ERICH6: variants seen among roughly 807,000 people sequenced by gnomAD.
ERICH6 encodes glutamate rich 6.
A neutral mutation model predicts 71.0 loss-of-function variants in ERICH6; 71 were observed. The observed-to-expected ratio is 1.00, with a 90% CI of 0.83 to 1.22. The LOEUF (loss-of-function observed/expected upper bound fraction) is 1.22. ERICH6 is among the 50% of genes most tolerant of loss of function. The probability of loss-of-function intolerance (pLI) is 0.00; values close to 1 mark genes in which losing one functional copy is unlikely to be tolerated. For missense variants in ERICH6, 808 were observed against 797.2 expected (o/e 1.01, Z -0.16); for synonymous variants, 262 against 278.4 (o/e 0.94, Z 0.59).
At chr3:150,692,143 G>C (rs1712464212) in intron 3 of ERICH6, among the ~76,000 whole-genome samples, 6 of 151,964 alleles carry the variant, frequency 3.9e-5, no homozygotes, top group Admixed American at 2.6e-4. Context: ...CCTTAATAAA[G>C]GTGATAAAGG....
Position 150,664,672 on chromosome 3 carries a change from A to T in ERICH6, c.1728+2115T>A, listed in dbSNP as rs1197082894. Among the ~76,000 whole-genome samples the T allele has an allele frequency of 2.0e-5, 3 of 152,158 alleles. No homozygotes were observed. The East Asian group carries it at 5.8e-4, about 29-fold the overall frequency. On this transcript the variant is annotated intron_variant, in intron 13 of 13. Transcript: ENST00000295910. The stretch of plus-strand genomic sequence containing the variant: ...AAAAAAAAAAAAGATGTATAAAATA[A>T]TTTATAAATACATAGTAAGAAGGAA...
In ERICH6 at chr3:150,659,978, G is replaced by C; in HGVS notation, c.1906C>G (p.Leu636Val). ...CTGTGACAAAGGGCAATTAGTTTTAGAGAAAGTGAAGAAAGGTAGGAAGGT... is the reference window on the plus strand; with the variant it reads ...CTGTGACAAAGGGCAATTAGTTTTACAGAAAGTGAAGAAAGGTAGGAAGGT... ...KQPSYLSSLS[L>V]KLIALCHSSG... Residue 636 changes from leucine (L) to valine (V), a missense_variant, in exon 14 of 14, where the codon CTA becomes GTA. Physicochemically the swap from Leu to Val is conservative, Grantham distance 32 (BLOSUM62 1). Around this residue, in one of 3 missense-constraint regions of ERICH6, gnomAD observed 736 missense variants for 712.2 expected, o/e 1.03. Transcript: ENST00000295910. The C allele has an allele frequency of 6.2e-7, 1 of 1,614,152 alleles. No homozygotes were observed. The highest frequency in any genetic ancestry group is 8.5e-7 in the Non-Finnish European group (1 of 1,180,022).
At chr3:150,689,537 C>G (rs1712339058) in intron 3 of ERICH6, among the ~76,000 whole-genome samples, 1 of 152,054 alleles carries the variant, frequency 6.6e-6, no homozygotes, top group Non-Finnish European at 1.5e-5. Context: ...AAAAGAAGCT[C>G]AATGGTTAAA....
intron 10 of ERICH6, among the ~76,000 whole-genome samples, chr3:150,675,493 C>T (rs1711615906): frequency 6.6e-6 from 1 of 152,050 alleles, no homozygotes; most frequent in African/African-American, 2.4e-5. Context: ...GGATTACAGG[C>T]ATGTGCCACC....
At chr3:150,683,515 G>A (rs903654162) in intron 6 of ERICH6, among the ~76,000 whole-genome samples, 8 of 152,024 alleles carry the variant, frequency 5.3e-5, no homozygotes, top group Admixed American at 1.3e-4. Context: ...CTGTAATCCC[G>A]CACTTTGGGA....
At chr3:150,702,424 A>C (rs993232811) in intron 1 of ERICH6, among the ~76,000 whole-genome samples, 1 of 152,026 alleles carries the variant, frequency 6.6e-6, no homozygotes, top group African/African-American at 2.4e-5. Context: ...CTACAGGCGC[A>C]CGCCGCCACG....
chr3:150,691,636 A>G (rs1050976293), intron 3 of ERICH6, among the ~76,000 whole-genome samples: 1 of 152,156 alleles, frequency 6.6e-6, no homozygotes, highest in Non-Finnish European at 1.5e-5. Flanking sequence ...TCACAATAAG[A>G]GGATTTCTTT....
intron 13 of ERICH6, among the ~76,000 whole-genome samples, chr3:150,663,237 G>C (rs767706386): frequency 2.9e-4 from 44 of 152,192 alleles, no homozygotes; most frequent in Non-Finnish European, 5.3e-4. Flanking sequence ...AGGCAGACAA[G>C]AATGATAGCA....
chr3:150,678,011 T>G (rs1576552239), intron 10 of ERICH6, among the ~76,000 whole-genome samples: 1 of 152,206 alleles, frequency 6.6e-6, no homozygotes, highest in Non-Finnish European at 1.5e-5. Context: ...ATGGCTAGCG[T>G]GACTGAGAAA....
chr3:150,664,180 C>T (rs993429672), intron 13 of ERICH6, among the ~76,000 whole-genome samples: 1 of 151,758 alleles, frequency 6.6e-6, no homozygotes, highest in Non-Finnish European at 1.5e-5. Flanking sequence ...GTGTTTAATG[C>T]CACTGAGAAG....
At chr3:150,687,742 A>C (rs369674419) in intron 3 of ERICH6, among the ~76,000 whole-genome samples, 4 of 152,340 alleles carry the variant, frequency 2.6e-5, no homozygotes, top group African/African-American at 9.6e-5. Flanking sequence ...GGCAAAGGAA[A>C]GAGGCTATTA....
At chr3:150,695,636 C>T (rs574983870) in intron 3 of ERICH6, among the ~76,000 whole-genome samples, 1 of 152,148 alleles carries the variant, frequency 6.6e-6, no homozygotes, top group South Asian at 2.1e-4. Flanking sequence ...CCACTCCACT[C>T]CAGCCTGGCG....
At chr3:150,676,569 A>G (rs1711663582) in intron 10 of ERICH6, among the ~76,000 whole-genome samples, 1 of 152,172 alleles carries the variant, frequency 6.6e-6, no homozygotes, top group Non-Finnish European at 1.5e-5. Context: ...GGAATTAGTG[A>G]CCGTCCTCCA....
intron 11 of ERICH6, among the ~76,000 whole-genome samples, chr3:150,671,867 C>A (rs534445683): frequency 6.6e-6 from 1 of 152,144 alleles, no homozygotes; most frequent in Admixed American, 6.5e-5. Flanking sequence ...TGAGCTCATG[C>A]GATCTGCCCA....
At chr3:150,683,399 G>T (rs1307178163) in intron 6 of ERICH6, among the ~76,000 whole-genome samples, 1 of 152,130 alleles carries the variant, frequency 6.6e-6, no homozygotes, top group Non-Finnish European at 1.5e-5. Context: ...CAAGGGACTT[G>T]GTTGTGAACT....
chr3:150,698,076 C>A (rs1465858806), intron 3 of ERICH6, among the ~76,000 whole-genome samples: 1 of 152,164 alleles, frequency 6.6e-6, no homozygotes, highest in Non-Finnish European at 1.5e-5. Flanking sequence ...TAAACTTGCA[C>A]CCTACCTCCA....
At chr3:150,690,093 A>G (rs1712364544) in intron 3 of ERICH6, among the ~76,000 whole-genome samples, 1 of 152,200 alleles carries the variant, frequency 6.6e-6, no homozygotes, top group South Asian at 2.1e-4. Context: ...CTCTTTGGAA[A>G]CCTAGGATTC....
chr3:150,695,022 A>G (rs1437089918), intron 3 of ERICH6, among the ~76,000 whole-genome samples: 1 of 152,190 alleles, frequency 6.6e-6, no homozygotes, highest in Non-Finnish European at 1.5e-5. Flanking sequence ...CTCTTTTACA[A>G]GGGCACTAAT....
rs1491537340 is a variant in ERICH6, at chr3:150,702,920, G to GAGAGAGAGAGAGAGGGAGAGAGAA, written c.403+552_403+575dup. On this transcript the variant is annotated intron_variant, in intron 1 of 13. Coordinates refer to ENST00000295910, the MANE Select transcript of ERICH6 (RefSeq NM_152394.5). ...TGTGTGTGTGTGTGTGTGTGTCTGT[G>GAGAGAGAGAGAGAGGGAGAGAGAA]AGAGAGAGAGAGAGGGAGAGAGAAA... 0.03 allele frequency among the ~76,000 whole-genome samples: 3,534 copies of GAGAGAGAGAGAGAGGGAGAGAGAA among 118,428 alleles called. 233 individuals are homozygous for GAGAGAGAGAGAGAGGGAGAGAGAA. In the East Asian group the frequency reaches 0.31, roughly 10 times the overall value. 77.7% of individuals were successfully genotyped at this position (118,428 alleles called of 152,430 possible).
Sources: gnomAD v4.1 joint callset for allele counts (sites outside exome capture counted in the v4.1 genomes callset) on GRCh38, gnomAD v4.1.1 for gene constraint, gnomAD v4.1.1 regional missense constraint, MANE v1.5 for transcripts, NCBI Gene and HGNC (gene_info 2026-07-23, HGNC 2026-07-21) for gene names.